The following ST8SIA4 variants were observed in gnomAD, a reference collection of about 807,000 sequenced individuals.
The protein encoded by ST8SIA4 is ST8 alpha-N-acetyl-neuraminide alpha-2,8-sialyltransferase 4, also known as CMP-N-acetylneuraminate-poly-alpha-2,8-sialyltransferase.
In ST8SIA4, 15 loss-of-function variants were observed where a neutral mutation model predicts 33.9. That is an observed-to-expected ratio of 0.44 (90% CI 0.30 to 0.68). The LOEUF (loss-of-function observed/expected upper bound fraction) is 0.68, where lower values mean the gene tolerates loss of function less well. Ranked by LOEUF, ST8SIA4 falls within the 30% of genes least tolerant of loss-of-function variation. The probability of loss-of-function intolerance (pLI) is 0.10; values close to 1 mark genes in which losing one functional copy is unlikely to be tolerated. For synonymous variants in ST8SIA4, 171 were observed against 151.2 expected, an observed-to-expected ratio of 1.13 and a Z score of -0.96; for missense variants, 321 against 428.0, an observed-to-expected ratio of 0.75 and a Z score of 2.21.
At position 100,811,880 on chromosome 5, in the gene ST8SIA4, T is replaced by C; in HGVS notation, c.1047A>G (p.Leu349=). ...TLNVLHNRGA[L]KLTTGKCVKQ ...TTACACACTTTCCTGTTGTCAGTTT[T>C]AGAGCTCCTCTATTATGTAGCACAT... Residue 349 remains leucine, a synonymous_variant, in exon 5 of 5, where the codon CTA becomes CTG. Coordinates refer to ENST00000231461, the MANE Select transcript of ST8SIA4 (RefSeq NM_005668.6). The C allele has an allele frequency of 6.2e-7, 1 of 1,613,694 alleles. No individual in the cohort carries two copies.
intron 3 of ST8SIA4, among the ~76,000 whole-genome samples, chr5:100,880,767 T>C (rs766612938): frequency 1.1e-4 from 17 of 152,304 alleles, no homozygotes; most frequent in South Asian, 6.2e-4. Flanking sequence ...GTAATATCTA[T>C]AGAATTTGCT....
At chr5:100,821,307 GGTTA>G (rs1237608372) in intron 4 of ST8SIA4, among the ~76,000 whole-genome samples, 7 of 152,036 alleles carry the variant, frequency 4.6e-5, no homozygotes, top group Non-Finnish European at 1.0e-4. Flanking sequence ...AGTAAAAATG[GGTTA>G]GATAGGGAAG....
chr5:100,842,655 G>T (rs1751492870), intron 4 of ST8SIA4, among the ~76,000 whole-genome samples: 1 of 151,732 alleles, frequency 6.6e-6, no homozygotes, highest in Non-Finnish European at 1.5e-5. Context: ...GATTTTATAT[G>T]TGCCTATAAA....
At chr5:100,895,888 CT>C in intron 1 of ST8SIA4, 103 bp from the exon 2 acceptor site, 3 of 1,255,294 alleles carry the variant, frequency 2.4e-6, no homozygotes, top group South Asian at 1.7e-5. Context: ...ATTTTAGATA[CT>C]TTTTCCCCTA....
chr5:100,858,830 G>A (rs1751872918), intron 3 of ST8SIA4, among the ~76,000 whole-genome samples: 1 of 152,090 alleles, frequency 6.6e-6, no homozygotes, highest in African/African-American at 2.4e-5. Flanking sequence ...TTGAGGATCT[G>A]AGCAGAGCAC....
chr5:100,874,447 T>C (rs987142277), intron 3 of ST8SIA4, among the ~76,000 whole-genome samples: 2 of 152,174 alleles, frequency 1.3e-5, no homozygotes, highest in African/African-American at 2.4e-5. Flanking sequence ...ATATCTGAAG[T>C]GATGCTTTTC....
At chr5:100,877,585 T>C (rs1310181900) in intron 3 of ST8SIA4, among the ~76,000 whole-genome samples, 3 of 152,160 alleles carry the variant, frequency 2.0e-5, no homozygotes, top group African/African-American at 4.8e-5. Flanking sequence ...ATAATTCAGA[T>C]TAGAATTTTG....
chr5:100,869,746 G>C (rs1752155743), intron 3 of ST8SIA4, among the ~76,000 whole-genome samples: 1 of 152,146 alleles, frequency 6.6e-6, no homozygotes, highest in Non-Finnish European at 1.5e-5. Flanking sequence ...TTAACATGAT[G>C]TCATGATCCT....
At chr5:100,864,425 A>T (rs968966858) in intron 3 of ST8SIA4, among the ~76,000 whole-genome samples, 1 of 151,968 alleles carries the variant, frequency 6.6e-6, no homozygotes, top group Non-Finnish European at 1.5e-5. Context: ...ACACAAAAAA[A>T]TTAGCTGGGC....
intron 4 of ST8SIA4, among the ~76,000 whole-genome samples, chr5:100,839,288 A>C (rs1172559459): frequency 1.3e-5 from 2 of 152,036 alleles, no homozygotes; most frequent in Non-Finnish European, 2.9e-5. Flanking sequence ...AAATGTACAT[A>C]GTTTGAGCCT....
At chr5:100,824,812 T>C (rs1751104559) in intron 4 of ST8SIA4, among the ~76,000 whole-genome samples, 1 of 150,050 alleles carries the variant, frequency 6.7e-6, no homozygotes, top group African/African-American at 2.5e-5. Flanking sequence ...TGCAATCCCA[T>C]CACTTTGGGA....
chr5:100,894,832 G>C (rs1401317079), intron 2 of ST8SIA4, among the ~76,000 whole-genome samples: 1 of 152,032 alleles, frequency 6.6e-6, no homozygotes, highest in Non-Finnish European at 1.5e-5. Flanking sequence ...AAATCTGTGT[G>C]TTAATGCTAA....
chr5:100,812,377 A>C (rs1418346824), intron 4 of ST8SIA4, among the ~76,000 whole-genome samples: 1 of 152,058 alleles, frequency 6.6e-6, no homozygotes, highest in Non-Finnish European at 1.5e-5. Flanking sequence ...ATGTAGGTGA[A>C]TATTACTCTA....
chr5:100,816,524 A>C, intron 4 of ST8SIA4: 1 of 527,086 alleles, frequency 1.9e-6, no homozygotes, highest in Non-Finnish European at 3.9e-6. Context: ...TTGCTATTGA[A>C]AGTAATGACA....
At chr5:100,836,143 ATT>A (rs1456913296) in intron 4 of ST8SIA4, among the ~76,000 whole-genome samples, 1 of 152,138 alleles carries the variant, frequency 6.6e-6, no homozygotes, top group Admixed American at 6.6e-5. Context: ...TGATGTATTA[ATT>A]AGAGATAAGC....
intron 4 of ST8SIA4, among the ~76,000 whole-genome samples, chr5:100,844,762 A>G (rs1400422642): frequency 6.6e-6 from 1 of 152,008 alleles, no homozygotes; most frequent in Non-Finnish European, 1.5e-5. Flanking sequence ...ACTGAAAAAG[A>G]TTGTTAAAGC....
intron 2 of ST8SIA4, among the ~76,000 whole-genome samples, chr5:100,890,026 T>G (rs1461171934): frequency 6.6e-6 from 1 of 151,910 alleles, no homozygotes; most frequent in East Asian, 1.9e-4. Context: ...TTGTTTGTTT[T>G]TTCTTATTCC....
intron 4 of ST8SIA4, among the ~76,000 whole-genome samples, chr5:100,813,384 C>A (rs988548932): frequency 1.3e-5 from 2 of 151,964 alleles, no homozygotes; most frequent in African/African-American, 2.4e-5. Flanking sequence ...CACACATATT[C>A]TATTTTTTCT....
chr5:100,866,511 C>T (rs1239807911), intron 3 of ST8SIA4, among the ~76,000 whole-genome samples: 2 of 151,492 alleles, frequency 1.3e-5, no homozygotes, highest in African/African-American at 2.4e-5. Context: ...TGAAATGTTA[C>T]AAAGACATCT....
Sources: gnomAD v4.1 joint callset for allele counts (sites outside exome capture counted in the v4.1 genomes callset) on GRCh38, gnomAD v4.1.1 for gene constraint, MANE v1.5 for transcripts, NCBI Gene and HGNC (gene_info 2026-07-23, HGNC 2026-07-21) for gene names.